DCAF6: variants seen among roughly 807,000 people sequenced by gnomAD.
The protein encoded by DCAF6 is DDB1 and CUL4 associated factor 6.
In DCAF6, 54 loss-of-function variants were observed where a neutral mutation model predicts 125.1. The ratio of observed to expected loss-of-function variants is 0.43; its 90% CI spans 0.35 to 0.54. DCAF6 has a LOEUF of 0.54. Ranked by LOEUF, DCAF6 falls within the 20% of genes least tolerant of loss-of-function variation. DCAF6 has a pLI of 0.01. For synonymous variants in DCAF6, 371 were observed against 390.4 expected (o/e 0.95, Z 0.58); for missense variants, 934 against 1,161.7 (o/e 0.80, Z 2.85).
At chr1:167,931,180 C>T (rs1431262458), upstream of DCAF6, among the ~76,000 whole-genome samples, 1 of 152,240 alleles carries the variant, frequency 6.6e-6, no homozygotes, top group East Asian at 1.9e-4. Context: ...GATCCACACG[C>T]CTCGGCCTCC....
At position 168,065,629 on chromosome 1, in the gene DCAF6, A is replaced by T. The variant is rs1348669151; in HGVS notation, c.2479A>T (p.Ser827Cys). ...ANFWGANFVM[S>C]GSDCGHIFIW... ...TTTCTGGGGTGCTAACTTTGTAATG[A>T]GTGGTTCTGACTGTGGCCACATTTT... Residue 827 changes from serine (S) to cysteine (C), a missense_variant, in exon 19 of 22, where the codon AGT becomes TGT. Physicochemically the swap from Ser to Cys is moderately radical, Grantham distance 112. This residue lies in a region of DCAF6 where 559 missense variants were observed against 635.5 expected (regional missense o/e 0.88). Coordinates refer to ENST00000367840, the MANE Select transcript of DCAF6 (RefSeq NM_001198956.2). 1.2e-6 allele frequency: 2 copies of T among 1,611,838 alleles called. No homozygotes were observed. Among genetic ancestry groups the T allele is most frequent in the Non-Finnish European group, 1.7e-6 (2 of 1,178,664 alleles).
Position 168,063,742 on chromosome 1 carries a change from C to T in DCAF6, c.2422C>T (p.Arg808Cys), listed in dbSNP as rs1691912036. Reference protein sequence around the residue: ...PLVKMVYKGHRNSRTMIKEAN... With the variant: ...PLVKMVYKGHCNSRTMIKEAN... ...AGTAAAAATGGTTTATAAAGGCCATCGCAACTCCAGGACAATGGTACCAAA... is the reference window on the plus strand; with the variant it reads ...AGTAAAAATGGTTTATAAAGGCCATTGCAACTCCAGGACAATGGTACCAAA... The change falls in exon 18 of 22, where the codon CGC (arginine) becomes TGC (cysteine). Residue 808 changes from arginine (R) to cysteine (C), a missense_variant. Coordinates refer to ENST00000367840, the MANE Select transcript of DCAF6 (RefSeq NM_001198956.2). 1.2e-6 allele frequency: 2 copies of T among 1,605,184 alleles called. No homozygotes were observed. Among genetic ancestry groups the T allele is most frequent in the East Asian group, 2.3e-5 (1 of 44,106 alleles).
chr1:168,074,570 A>G (rs1693575942), intron 21 of DCAF6, among the ~76,000 whole-genome samples: 1 of 152,156 alleles, frequency 6.6e-6, no homozygotes, highest in Non-Finnish European at 1.5e-5. Context: ...GGAACTCTCA[A>G]TCTGGTCTGC....
upstream of DCAF6, among the ~76,000 whole-genome samples, chr1:167,931,420 T>C (rs1293618038): frequency 3.3e-5 from 5 of 152,322 alleles, no homozygotes; most frequent in East Asian, 9.6e-4. Flanking sequence ...ACCAATATTT[T>C]ACAATTGTAT....
At chr1:167,972,317 A>G (rs1298039243) in intron 3 of DCAF6, among the ~76,000 whole-genome samples, 2 of 152,390 alleles carry the variant, frequency 1.3e-5, no homozygotes, top group East Asian at 1.9e-4. Context: ...CCAACTATAC[A>G]TACATAACAC....
chr1:167,952,272 C>T (rs1432467026), intron 2 of DCAF6, among the ~76,000 whole-genome samples: 2 of 152,226 alleles, frequency 1.3e-5, no homozygotes, highest in East Asian at 1.9e-4. Context: ...GCAATCTCGG[C>T]TCACTGCAAG....
intron 12 of DCAF6, among the ~76,000 whole-genome samples, chr1:168,034,332 TAGTG>T (rs1159155636): frequency 6.6e-6 from 1 of 151,938 alleles, no homozygotes; most frequent in African/African-American, 2.4e-5. Context: ...CTGGACAACA[TAGTG>T]AGACTCCATC....
rs192004048 is a variant in DCAF6, at chr1:167,963,240, G to C, written c.160-3389G>C. Among the ~76,000 whole-genome samples, 1,286 of 151,810 alleles carry C rather than the reference G, an allele frequency of 8.5e-3. 6 individuals are homozygous for C. Among genetic ancestry groups the C allele is most frequent in the Non-Finnish European group, 0.012 (807 of 67,892 alleles). ...GATCGTGCTGCTTCACTTCAGCCTG[G>C]GCAAAAGCGTGAAACTCTGTCTCAA... is the stretch of plus-strand genomic sequence containing the variant. On this transcript the variant is annotated intron_variant, in intron 2 of 21. Coordinates refer to ENST00000367840, the MANE Select transcript of DCAF6 (RefSeq NM_001198956.2).
chr1:168,018,564 A>C (rs1685275372), intron 11 of DCAF6, among the ~76,000 whole-genome samples: 1 of 152,184 alleles, frequency 6.6e-6, no homozygotes, highest in Non-Finnish European at 1.5e-5. Flanking sequence ...CTTTAAAAGA[A>C]TTTTTGACAC....
intron 17 of DCAF6, among the ~76,000 whole-genome samples, chr1:168,061,138 C>T (rs542718534): frequency 3.3e-5 from 5 of 152,288 alleles, no homozygotes; most frequent in Admixed American, 1.3e-4. Flanking sequence ...TTTGACCTCT[C>T]TATCCTTCCC....
Position 167,993,255 on chromosome 1 carries a change from A to C in DCAF6, c.718A>C (p.Met240Leu). Residue 240 changes from methionine to leucine, a missense_variant, in exon 7 of 22, where the codon ATG becomes CTG. Physicochemically the swap from Met to Leu is conservative, Grantham distance 15 (BLOSUM62 2). Coordinates refer to ENST00000367840, the MANE Select transcript of DCAF6 (RefSeq NM_001198956.2). ...TTATGCAGGTCGAGGGACTACTGGA[A>C]TGGTTGCCCGTTTTATTCCTTCCCA... ...GNYAGRGTTG[M>L]VARFIPSHLN... 1 of 1,614,096 alleles carries C rather than the reference A, an allele frequency of 6.2e-7. No individual in the cohort carries two copies. The highest frequency in any genetic ancestry group is 8.5e-7 in the Non-Finnish European group (1 of 1,179,978).
At chr1:168,059,498 G>A (rs1194405340) in intron 17 of DCAF6, among the ~76,000 whole-genome samples, 1 of 152,018 alleles carries the variant, frequency 6.6e-6, no homozygotes, top group Non-Finnish European at 1.5e-5. Flanking sequence ...GCTATTCTTT[G>A]TCCTTTGGTT....
intron 8 of DCAF6, among the ~76,000 whole-genome samples, chr1:168,003,043 A>G (rs1682858700): frequency 6.6e-6 from 1 of 152,180 alleles, no homozygotes; most frequent in Non-Finnish European, 1.5e-5. Flanking sequence ...TCTATGAATT[A>G]TAATTCTATA....
chr1:167,981,107 G>A (rs994941482), intron 4 of DCAF6, among the ~76,000 whole-genome samples: 1 of 151,546 alleles, frequency 6.6e-6, no homozygotes, highest in Non-Finnish European at 1.5e-5. Context: ...GGGTTTCACC[G>A]TGTTGCCCAG....
At chr1:167,901,798 T>C in the DCAF6 span, 28 of 1,614,204 alleles carry the variant, frequency 1.7e-5, no homozygotes, top group Non-Finnish European at 2.3e-5. Context: ...GGGCTAGCAG[T>C]GCATCACCTT....
the DCAF6 span, chr1:167,880,306 C>G: frequency 6.4e-6 from 7 of 1,099,568 alleles, no homozygotes; most frequent in Non-Finnish European, 9.6e-6. Flanking sequence ...AGGATTTTCT[C>G]TACCCGTTGG....
the DCAF6 span, among the ~76,000 whole-genome samples, chr1:167,895,563 G>A: frequency 6.6e-6 from 1 of 152,216 alleles, no homozygotes; most frequent in African/African-American, 2.4e-5. Context: ...GTTCAGATAC[G>A]TTAATATTAG....
At chr1:167,896,586 G>C in the DCAF6 span, 8 of 1,598,744 alleles carry the variant, frequency 5.0e-6, no homozygotes, top group South Asian at 8.8e-5. Flanking sequence ...TTCCATGGTG[G>C]GTACTTACTT....
chr1:167,931,242 T>A (rs1199695236), upstream of DCAF6, among the ~76,000 whole-genome samples: 3 of 152,208 alleles, frequency 2.0e-5, no homozygotes, highest in East Asian at 5.8e-4. Flanking sequence ...GATATTCCTT[T>A]TTATGAATTC....
Sources: allele counts gnomAD v4.1 joint callset (sites outside exome capture counted in the v4.1 genomes callset), GRCh38; gene constraint gnomAD v4.1.1; regional missense constraint gnomAD v4.1.1; transcripts MANE v1.5; gene names NCBI Gene and HGNC (gene_info 2026-07-23, HGNC 2026-07-21).